SEPTIN9: variants seen among roughly 807,000 people sequenced by gnomAD.
The protein encoded by SEPTIN9 is septin-9.
Under a neutral mutation model 56.6 loss-of-function variants are expected in SEPTIN9, and 13 were observed. That is an observed-to-expected ratio of 0.23 (90% CI 0.15 to 0.37). SEPTIN9 has a LOEUF of 0.37. Ranked by LOEUF, SEPTIN9 falls within the 10% of genes least tolerant of loss-of-function variation. The pLI, the probability that SEPTIN9 is intolerant of heterozygous loss-of-function variation, is 1.00. For synonymous variants in SEPTIN9, 332 were observed against 334.1 expected, an observed-to-expected ratio of 0.99 and a Z score of 0.07; for missense variants, 650 against 823.1, an observed-to-expected ratio of 0.79 and a Z score of 2.57.
chr17:77,414,204 G>A (rs1160740746), intron 3 of SEPTIN9, among the ~76,000 whole-genome samples: 1 of 151,866 alleles, frequency 6.6e-6, no homozygotes, highest in Non-Finnish European at 1.5e-5. Context: ...TCAGCCTCCC[G>A]AGTAGCTGAG....
chr17:77,285,626 G>A (rs1283388153), intron 1 of SEPTIN9, among the ~76,000 whole-genome samples: 1 of 151,460 alleles, frequency 6.6e-6, no homozygotes, highest in Admixed American at 6.6e-5. Flanking sequence ...CTCGAACTCC[G>A]GACCTCAGGT....
intron 1 of SEPTIN9, among the ~76,000 whole-genome samples, chr17:77,293,076 G>A (rs1256125076): frequency 2.6e-5 from 4 of 151,952 alleles, no homozygotes; most frequent in African/African-American, 9.7e-5. Flanking sequence ...AAGTGCAGTG[G>A]TGTGATCACA....
rs2037986253 is a variant in SEPTIN9, at chr17:77,451,857, C to T, written c.722-30287C>T. ...GCCCGGAGCTTCTTGGAACATGTTT[C>T]CTTTTCGCAAGGGGTTTCCCTGGCT... On this transcript the variant is annotated intron_variant, in intron 3 of 11. Coordinates refer to ENST00000427177, the MANE Select transcript of SEPTIN9 (RefSeq NM_001113491.2). The surrounding 1 kb of genome is among the most constrained non-coding windows in gnomAD (Gnocchi z 4.2). 6.6e-6 allele frequency among the ~76,000 whole-genome samples: 1 copy of T among 152,200 alleles called. No homozygotes were observed. Among genetic ancestry groups the T allele is most frequent in the African/African-American group, 2.4e-5 (1 of 41,430 alleles).
chr17:77,387,310 CTTTTCTCT>C (rs369660337), intron 2 of SEPTIN9, among the ~76,000 whole-genome samples: 6 of 152,360 alleles, frequency 3.9e-5, no homozygotes, highest in African/African-American at 1.4e-4. Context: ...TTCACATGGC[CTTTTCTCT>C]GTGTCTCTGT....
At chr17:77,399,099 G>A (rs1721726195) in intron 2 of SEPTIN9, among the ~76,000 whole-genome samples, 1 of 152,172 alleles carries the variant, frequency 6.6e-6, no homozygotes, top group South Asian at 2.1e-4. Context: ...GGCCAGCTCC[G>A]GTTCTAGAAT....
intron 2 of SEPTIN9, among the ~76,000 whole-genome samples, chr17:77,331,759 A>G (rs1211759746): frequency 2.0e-5 from 3 of 152,172 alleles, no homozygotes; most frequent in African/African-American, 4.8e-5. Flanking sequence ...GCCCCCGCAC[A>G]GGCACGGGGG....
At chr17:77,387,829 G>A (rs1440887385) in intron 2 of SEPTIN9, among the ~76,000 whole-genome samples, 1 of 152,148 alleles carries the variant, frequency 6.6e-6, no homozygotes, top group Admixed American at 6.5e-5. Context: ...ACAGATTCCA[G>A]AGGCTCATGA....
Position 77,282,049 on chromosome 17 carries a change from G to C in SEPTIN9, c.19+495G>C, listed in dbSNP as rs540303977. ...GGACCGTCCAGCAGCGCCCAAACTT[G>C]GCGACTCGGGTTCACGTTTTGCGCT... On this transcript the variant is annotated intron_variant, in intron 1 of 11. Coordinates refer to ENST00000427177, the MANE Select transcript of SEPTIN9 (RefSeq NM_001113491.2). Among the ~76,000 whole-genome samples, 6 of 152,344 alleles carry C rather than the reference G, an allele frequency of 3.9e-5. No homozygotes were observed. In the East Asian group the frequency reaches 1.2e-3, roughly 29 times the overall value.
intron 2 of SEPTIN9, among the ~76,000 whole-genome samples, chr17:77,361,212 C>T (rs1376728207): frequency 3.3e-5 from 5 of 152,178 alleles, no homozygotes; most frequent in Admixed American, 3.3e-4. Flanking sequence ...GCGTGAGCCA[C>T]CGCACTGGGC....
chr17:77,494,988 C>G (rs1464339686), intron 10 of SEPTIN9, among the ~76,000 whole-genome samples: 3 of 152,200 alleles, frequency 2.0e-5, no homozygotes, highest in African/African-American at 7.2e-5. Context: ...GCCTGCAGTT[C>G]CTCTCTTCCT....
In SEPTIN9 at chr17:77,445,381, G is replaced by T; in HGVS notation, c.722-36763G>T. On this transcript the variant is annotated intron_variant, in intron 3 of 11. Coordinates refer to ENST00000427177, the MANE Select transcript of SEPTIN9 (RefSeq NM_001113491.2). The surrounding 1 kb of genome is among the most constrained non-coding windows in gnomAD (Gnocchi z 4.7). ...TGGGAAGCATCTGCTGCATCCCATT[G>T]GGGTGTTGCCCAGGATGGATTGGAA... The T allele has an allele frequency of 2.1e-6, 1 of 466,570 alleles. No homozygotes were observed. The allele number at this position is 466,570 out of a possible 1,614,324, so 28.9% of individuals were successfully genotyped here. A position where few individuals can be genotyped will look rare whatever the true frequency, so the allele number is the denominator to read the frequency against.
intron 3 of SEPTIN9, among the ~76,000 whole-genome samples, chr17:77,443,148 G>A (rs909002865): frequency 5.9e-5 from 9 of 152,046 alleles, no homozygotes; most frequent in Admixed American, 3.9e-4. Flanking sequence ...GGAGGCAGAC[G>A]TGGTTTATGG....
At chr17:77,303,762 C>T (rs976759662) in intron 1 of SEPTIN9, among the ~76,000 whole-genome samples, 8 of 152,034 alleles carry the variant, frequency 5.3e-5, no homozygotes, top group South Asian at 2.1e-4. Context: ...CTAGTACTTG[C>T]GCCATGTGAC....
Position 77,499,891 on chromosome 17 carries a change from C to T in SEPTIN9, c.*1233C>T, listed in dbSNP as rs77195002. The T allele has an allele frequency of 8.6e-3, 2,430 of 281,512 alleles. 58 individuals are homozygous for T. Among genetic ancestry groups the T allele is most frequent in the African/African-American group, 0.048 (2,241 of 46,676 alleles). The allele number at this position is 281,512 out of a possible 1,614,324, so 17.4% of individuals were successfully genotyped here. ...TAACGAACCCCTAGAAAGGAGAGAA[C>T]GGGCGTCAGGGGTGCACAGTCCACA... On this transcript the variant is annotated 3_prime_UTR_variant, in exon 12 of 12. Transcript: ENST00000427177.
At chr17:77,488,691 C>T (rs1296962589) in intron 6 of SEPTIN9, 36 bp from the exon 7 acceptor site, 15 of 1,612,616 alleles carry the variant, frequency 9.3e-6, no homozygotes, top group Non-Finnish European at 1.2e-5. Flanking sequence ...GAGGGCATCT[C>T]ATGTGCCTGC....
In SEPTIN9 at chr17:77,451,422, C is replaced by T. The variant is rs575324503; in HGVS notation, c.722-30722C>T. 1.0e-6 allele frequency: 1 copy of T among 985,662 alleles called. No individual in the cohort carries two copies. Among genetic ancestry groups the T allele is most frequent in the South Asian group, 4.7e-5 (1 of 21,288 alleles). The allele number at this position is 985,662 out of a possible 1,614,324, so 61.1% of individuals were successfully genotyped here. A position where few individuals can be genotyped will look rare whatever the true frequency, so the allele number is the denominator to read the frequency against. ...GCGCTCTGGGAGGCTCCTTGTTCCG[C>T]GACCACAAAGCCCCTTTGATCCTCT... On this transcript the variant is annotated intron_variant, in intron 3 of 11. Coordinates refer to ENST00000427177, the MANE Select transcript of SEPTIN9 (RefSeq NM_001113491.2). This position sits in a 1 kb window ranked among gnomAD's most constrained non-coding sequence, Gnocchi z 4.2.
At chr17:77,362,565 C>G (rs2034450245) in intron 2 of SEPTIN9, among the ~76,000 whole-genome samples, 2 of 152,224 alleles carry the variant, frequency 1.3e-5, no homozygotes, top group Admixed American at 1.3e-4. Context: ...AAGCCCACCT[C>G]CTAATCCCAG....
At chr17:77,302,977 C>T (rs1008426667) in intron 1 of SEPTIN9, among the ~76,000 whole-genome samples, 2 of 152,144 alleles carry the variant, frequency 1.3e-5, no homozygotes, top group Admixed American at 6.6e-5. Context: ...CTGTCTTCGG[C>T]ATCTGCTCTC....
intron 4 of SEPTIN9, among the ~76,000 whole-genome samples, chr17:77,484,529 A>G (rs866527727): frequency 0.017 from 1,980 of 115,340 alleles, 129 homozygotes; most frequent in African/African-American, 0.067. Flanking sequence ...GGTAATTGTG[A>G]TGGTGGTGGT....
Sources: gnomAD v4.1 joint callset for allele counts (sites outside exome capture counted in the v4.1 genomes callset) on GRCh38, gnomAD v4.1.1 for gene constraint, Gnocchi (gnomAD v3.1) non-coding constraint, MANE v1.5 for transcripts, NCBI Gene and HGNC (gene_info 2026-07-23, HGNC 2026-07-21) for gene names.